The following CADM1 variants were observed in gnomAD, a reference collection of about 807,000 sequenced individuals.
The protein encoded by CADM1 is TSLC-1.
Under a neutral mutation model 53.1 loss-of-function variants are expected in CADM1, and 15 were observed. That is an observed-to-expected ratio of 0.28 (90% CI 0.19 to 0.44). CADM1 has a LOEUF of 0.44. Among genes scored for constraint, CADM1 ranks in the 20% least tolerant of loss-of-function variants. The pLI is 1.00. For synonymous variants in CADM1, 281 were observed against 243.0 expected (o/e 1.16, Z -1.45); for missense variants, 434 against 611.3 (o/e 0.71, Z 3.06).
At chr11:115,438,466 G>A (rs1405265856) in intron 1 of CADM1, among the ~76,000 whole-genome samples, 1 of 152,010 alleles carries the variant, frequency 6.6e-6, no homozygotes, top group Admixed American at 6.6e-5. Context: ...ACAGGCAGTG[G>A]AAGGCAACGA....
At chr11:115,270,624 T>G (rs1943270676) in intron 1 of CADM1, among the ~76,000 whole-genome samples, 2 of 152,184 alleles carry the variant, frequency 1.3e-5, no homozygotes, top group South Asian at 4.1e-4. Flanking sequence ...CAATGTTTAT[T>G]AAAAAGAAAG....
intron 1 of CADM1, among the ~76,000 whole-genome samples, chr11:115,408,256 C>T (rs778346708): frequency 3.3e-5 from 5 of 152,154 alleles, no homozygotes; most frequent in Non-Finnish European, 7.4e-5. Context: ...TAGTAACACT[C>T]CAATGTATTA....
At chr11:115,310,668 T>TG in intron 1 of CADM1, among the ~76,000 whole-genome samples, 1 of 152,158 alleles carries the variant, frequency 6.6e-6, no homozygotes, top group South Asian at 2.1e-4. Context: ...GAGGCCTTTC[T>TG]GGTTTACTCC....
intron 1 of CADM1, among the ~76,000 whole-genome samples, chr11:115,327,482 C>T (rs969178235): frequency 9.2e-5 from 14 of 151,850 alleles, no homozygotes; most frequent in African/African-American, 3.4e-4. Flanking sequence ...ATCCAGAAGA[C>T]TGAACAAAAA....
At chr11:115,207,043 T>G (rs1330533945) in intron 8 of CADM1, among the ~76,000 whole-genome samples, 1 of 152,094 alleles carries the variant, frequency 6.6e-6, no homozygotes, top group South Asian at 2.1e-4. Flanking sequence ...GAGCAAATGT[T>G]AAATTCTACA....
In CADM1 at chr11:115,175,876, C is replaced by A. The variant is rs570239160; in HGVS notation, c.*598G>T. 1.0e-6 allele frequency: 1 copy of A among 993,478 alleles called. No individual in the cohort carries two copies. Among genetic ancestry groups the A allele is most frequent in the Non-Finnish European group, 1.2e-6 (1 of 834,652 alleles). 61.5% of individuals were successfully genotyped at this position (993,478 alleles called of 1,614,324 possible). ...CAAAGAGTTTTCATTGTTTGTTCAC[C>A]CAAATCTTTACGACAACAGAGAAGA... On this transcript the variant is annotated 3_prime_UTR_variant, in exon 12 of 12. Transcript: ENST00000331581.
chr11:115,285,775 A>T (rs1943713918), intron 1 of CADM1, among the ~76,000 whole-genome samples: 1 of 152,054 alleles, frequency 6.6e-6, no homozygotes, highest in African/African-American at 2.4e-5. Context: ...CTCTCGGTGA[A>T]CCCCTCCCTC....
At chr11:115,502,955 A>G (rs987636889) in intron 1 of CADM1, among the ~76,000 whole-genome samples, 25 of 152,206 alleles carry the variant, frequency 1.6e-4, no homozygotes, top group Admixed American at 5.2e-4. Context: ...GTCCTCCGCC[A>G]CTTGTTGCTC....
At chr11:115,356,288 G>A (rs1179339929) in intron 1 of CADM1, among the ~76,000 whole-genome samples, 1 of 148,858 alleles carries the variant, frequency 6.7e-6, no homozygotes, top group East Asian at 1.9e-4. Context: ...AGGACAGTAA[G>A]GTCAAATAAG....
intron 1 of CADM1, among the ~76,000 whole-genome samples, chr11:115,352,147 A>G (rs1945753546): frequency 6.6e-6 from 1 of 152,232 alleles, no homozygotes; most frequent in Non-Finnish European, 1.5e-5. Flanking sequence ...CCCCCAAGTT[A>G]CCATAACAAA....
intron 10 of CADM1, among the ~76,000 whole-genome samples, chr11:115,180,625 G>A (rs1184224892): frequency 6.6e-6 from 1 of 151,428 alleles, no homozygotes; most frequent in African/African-American, 2.5e-5. Context: ...CTCGGTCAAG[G>A]GATTTTTTTT....
At position 115,229,103 on chromosome 11, in the gene CADM1, G is replaced by A; in HGVS notation, c.721+10C>T. On this transcript the variant is annotated intron_variant, in intron 5 of 11. Transcript: ENST00000331581. ...TCTACGCCCTCAGAATAAGATACCA[G>A]GGTACTCACACTGTACTTCTAGATA... The A allele has an allele frequency of 6.2e-7, 1 of 1,613,614 alleles. No individual in the cohort carries two copies. Among genetic ancestry groups the A allele is most frequent in the Non-Finnish European group, 8.5e-7 (1 of 1,179,898 alleles).
chr11:115,501,285 G>C (rs1016464768), intron 1 of CADM1, among the ~76,000 whole-genome samples: 6 of 152,154 alleles, frequency 3.9e-5, no homozygotes, highest in Non-Finnish European at 5.9e-5. Context: ...TATTCAATCT[G>C]ATGCAGGGAA....
intron 1 of CADM1, among the ~76,000 whole-genome samples, chr11:115,495,008 G>C (rs1277661309): frequency 2.0e-5 from 3 of 152,136 alleles, no homozygotes; most frequent in African/African-American, 7.2e-5. Flanking sequence ...AGAAGACAGA[G>C]AGCTCTTCAC....
At chr11:115,238,790 CAAAT>C (rs952858463) in intron 2 of CADM1, 138 bp from the exon 3 acceptor site, 3 of 833,040 alleles carry the variant, frequency 3.6e-6, no homozygotes, top group African/African-American at 3.4e-5. Flanking sequence ...TTCATGTAGA[CAAAT>C]AACCTTGTCC....
At chr11:115,479,673 C>A (rs1271528219) in intron 1 of CADM1, among the ~76,000 whole-genome samples, 1 of 152,140 alleles carries the variant, frequency 6.6e-6, no homozygotes, top group Non-Finnish European at 1.5e-5. Context: ...TGTTGCTGAA[C>A]TATTCTCATT....
chr11:115,184,645 T>A (rs1939459282), intron 10 of CADM1, among the ~76,000 whole-genome samples: 1 of 152,184 alleles, frequency 6.6e-6, no homozygotes, highest in Non-Finnish European at 1.5e-5. Flanking sequence ...AAGACTCCCA[T>A]ATAGCATCCC....
rs79466878 is a variant in CADM1, at chr11:115,457,528, G to T, written c.124+46743C>A. Among the ~76,000 whole-genome samples the T allele has an allele frequency of 5.9e-3, 898 of 152,136 alleles. 12 individuals carry two copies. Among genetic ancestry groups the T allele is most frequent in the African/African-American group, 0.019 (793 of 41,528 alleles). On this transcript the variant is annotated intron_variant, in intron 1 of 11. Transcript: ENST00000331581. ...ATGGGACTGAAAATTCTGAGTGAGG[G>T]GTAGGAGAGAAAACCCAGAACCTTT...
At chr11:115,437,323 A>T (rs1040222745) in intron 1 of CADM1, among the ~76,000 whole-genome samples, 2 of 152,272 alleles carry the variant, frequency 1.3e-5, no homozygotes, top group Non-Finnish European at 2.9e-5. Flanking sequence ...TGTTTTAAGG[A>T]GAAAACGGGG....
Sources: gnomAD v4.1 joint callset for allele counts (sites outside exome capture counted in the v4.1 genomes callset) on GRCh38, gnomAD v4.1.1 for gene constraint, MANE v1.5 for transcripts, NCBI Gene and HGNC (gene_info 2026-07-23, HGNC 2026-07-21) for gene names.